WDFY3: variants seen among roughly 807,000 people sequenced by gnomAD.
WDFY3 encodes WD repeat and FYVE domain-containing protein 3.
Under a neutral mutation model 409.6 loss-of-function variants are expected in WDFY3, and 66 were observed. That is an observed-to-expected ratio of 0.16 (90% CI 0.13 to 0.20). The LOEUF (loss-of-function observed/expected upper bound fraction) is 0.20, where lower values mean the gene tolerates loss of function less well. Among genes scored for constraint, WDFY3 ranks in the 10% least tolerant of loss-of-function variants. The pLI is 1.00. For synonymous variants in WDFY3, 1,521 were observed against 1,537.1 expected (o/e 0.99, Z 0.25); for missense variants, 3,031 against 4,298.1 (o/e 0.71, Z 8.24).
chr4:84,686,791 G>A (rs1038012603), intron 62 of WDFY3, among the ~76,000 whole-genome samples: 2 of 152,064 alleles, frequency 1.3e-5, no homozygotes, highest in Admixed American at 6.6e-5. Context: ...TTGCTAATGC[G>A]ACACACATCA....
intron 4 of WDFY3, among the ~76,000 whole-genome samples, chr4:84,858,425 A>T (rs1327580335): frequency 1.3e-5 from 2 of 152,212 alleles, no homozygotes; most frequent in Non-Finnish European, 2.9e-5. Context: ...ACATACTAAA[A>T]AAATAAATAA....
chr4:84,948,132 C>T (rs1773134466), intron 1 of WDFY3, among the ~76,000 whole-genome samples: 1 of 152,112 alleles, frequency 6.6e-6, no homozygotes, highest in Non-Finnish European at 1.5e-5. Context: ...GTCAATTTAT[C>T]ATAATCATGC....
At chr4:84,740,488 A>C in intron 38 of WDFY3, 72 bp from the exon 39 acceptor site, 6 of 1,461,110 alleles carry the variant, frequency 4.1e-6, no homozygotes, top group Non-Finnish European at 5.7e-6. Flanking sequence ...TCATACATGA[A>C]CTTTTATTAG....
chr4:84,776,485 A>G (rs1745569201), intron 27 of WDFY3, among the ~76,000 whole-genome samples: 1 of 152,060 alleles, frequency 6.6e-6, no homozygotes, highest in Non-Finnish European at 1.5e-5. Context: ...TTTTAATCAG[A>G]AATCTGAAAC....
At chr4:84,674,928 G>A (rs1157357253) in intron 67 of WDFY3, among the ~76,000 whole-genome samples, 2 of 150,972 alleles carry the variant, frequency 1.3e-5, no homozygotes, top group Non-Finnish European at 2.9e-5. Flanking sequence ...TCTGTGCTTT[G>A]AAAGGCCTGC....
chr4:84,938,138 T>C (rs1185351189), intron 1 of WDFY3, among the ~76,000 whole-genome samples: 1 of 152,154 alleles, frequency 6.6e-6, no homozygotes, highest in East Asian at 1.9e-4. Context: ...TGGTTTTGTT[T>C]AGTTTAATGC....
At position 84,801,823 on chromosome 4, in the gene WDFY3, T is replaced by C. The variant is rs768185947; in HGVS notation, c.2649A>G (p.Gln883=). Residue 883 remains glutamine (Q), a synonymous_variant, in exon 17 of 68, where the codon CAA becomes CAG. Coordinates refer to ENST00000295888, the MANE Select transcript of WDFY3 (RefSeq NM_014991.6). ...GGTTCCTTTCTGTGTGCACCAGGGA[T>C]TGTAAAATATTTGCCACGGCAAGTT... ...DLQLAVANIL[Q]SLVHTERNQQ... is the part of the protein sequence containing the mutation. The C allele has an allele frequency of 3.1e-6, 5 of 1,614,038 alleles. No homozygotes were observed. In the Admixed American group the frequency reaches 5.0e-5, roughly 16 times the overall value.
chr4:84,704,550 C>T, intron 54 of WDFY3, 106 bp from the exon 55 acceptor site: 3 of 760,756 alleles, frequency 3.9e-6, no homozygotes, highest in South Asian at 2.0e-5. Context: ...ATAACTGTAA[C>T]ACTAAATGCA....
At chr4:84,903,728 T>C (rs1766635078) in intron 2 of WDFY3, among the ~76,000 whole-genome samples, 1 of 152,198 alleles carries the variant, frequency 6.6e-6, no homozygotes. Context: ...TCTTTGAAGG[T>C]AGCCAAGTTA....
intron 55 of WDFY3, among the ~76,000 whole-genome samples, chr4:84,703,140 A>T (rs1731347814): frequency 6.6e-6 from 1 of 152,034 alleles, no homozygotes; most frequent in Non-Finnish European, 1.5e-5. Flanking sequence ...GTTCTTCCAT[A>T]GTTTGATGAT....
intron 53 of WDFY3, among the ~76,000 whole-genome samples, chr4:84,708,213 T>C (rs1156613125): frequency 6.6e-6 from 1 of 152,200 alleles, no homozygotes; most frequent in Admixed American, 6.5e-5. Context: ...TTGGAAATCT[T>C]CTACCAAGCC....
At chr4:84,854,763 G>A (rs1052613530) in intron 4 of WDFY3, among the ~76,000 whole-genome samples, 2 of 152,304 alleles carry the variant, frequency 1.3e-5, no homozygotes, top group Admixed American at 1.3e-4. Flanking sequence ...ATAACAATTA[G>A]CTGAGTGTGG....
At chr4:84,773,763 C>T (rs1454695821) in intron 29 of WDFY3, among the ~76,000 whole-genome samples, 1 of 152,198 alleles carries the variant, frequency 6.6e-6, no homozygotes, top group Non-Finnish European at 1.5e-5. Context: ...CCTTGTCACC[C>T]AGGCTGGAGT....
rs137873930 is a variant in WDFY3, at chr4:84,684,896, C to T, written c.9544-771G>A. 4.3e-3 allele frequency among the ~76,000 whole-genome samples: 656 copies of T among 152,306 alleles called. 7 individuals are homozygous for T. The highest frequency in any genetic ancestry group is 6.2e-3 in the Non-Finnish European group (419 of 68,020). Reference sequence around the variant, plus strand: ...AAGGAGGATGCTTTCTGAAGCATCTCCTGTGTGCCAGTCACTGGGGTGGAG... The same window carrying T: ...AAGGAGGATGCTTTCTGAAGCATCTTCTGTGTGCCAGTCACTGGGGTGGAG... On this transcript the variant is annotated intron_variant, in intron 62 of 67. Transcript: ENST00000295888.
chr4:84,964,155 CT>C (rs1775302704), intron 1 of WDFY3, among the ~76,000 whole-genome samples: 1 of 152,056 alleles, frequency 6.6e-6, no homozygotes, highest in South Asian at 2.1e-4. Flanking sequence ...GCCAAGGACC[CT>C]CAGAAGTATA....
intron 1 of WDFY3, among the ~76,000 whole-genome samples, chr4:84,963,474 C>G (rs941422578): frequency 6.6e-6 from 1 of 151,146 alleles, no homozygotes; most frequent in Admixed American, 6.6e-5. Flanking sequence ...AGGGGAAATT[C>G]GTAATCACAG....
At chr4:84,725,420 T>G (rs771436456) in intron 45 of WDFY3, among the ~76,000 whole-genome samples, 1 of 152,212 alleles carries the variant, frequency 6.6e-6, no homozygotes, top group Non-Finnish European at 1.5e-5. Context: ...CTTTTCCTGA[T>G]TAGCCTTTAT....
intron 12 of WDFY3, among the ~76,000 whole-genome samples, chr4:84,818,372 T>G (rs1443620890): frequency 6.6e-6 from 1 of 152,104 alleles, no homozygotes; most frequent in Non-Finnish European, 1.5e-5. Flanking sequence ...ATCCCTTACG[T>G]TTTTAGGGCA....
chr4:84,904,026 T>G (rs1766681363), intron 2 of WDFY3, among the ~76,000 whole-genome samples: 1 of 152,038 alleles, frequency 6.6e-6, no homozygotes, highest in Non-Finnish European at 1.5e-5. Flanking sequence ...GGTGGGGCCT[T>G]TGGAAGGTGT....
Sources: allele counts gnomAD v4.1 joint callset (sites outside exome capture counted in the v4.1 genomes callset), GRCh38; gene constraint gnomAD v4.1.1; transcripts MANE v1.5; gene names NCBI Gene and HGNC (gene_info 2026-07-23, HGNC 2026-07-21).